COL4A2: variants seen among roughly 807,000 people sequenced by gnomAD.
The protein encoded by COL4A2 is collagen type IV alpha 2 chain.
In COL4A2, 99 loss-of-function variants were observed where a neutral mutation model predicts 200.2. That is an observed-to-expected ratio of 0.49 (90% CI 0.42 to 0.58). The LOEUF is 0.58. Among genes scored for constraint, COL4A2 ranks in the 20% least tolerant of loss-of-function variants. COL4A2 has a pLI of 0.00. For synonymous variants in COL4A2, 897 were observed against 900.6 expected (o/e 1.00, Z 0.07); for missense variants, 1,950 against 2,314.1 (o/e 0.84, Z 3.23).
chr13:110,473,933 T>G lies in COL4A2; in HGVS notation c.2425+783T>G, dbSNP rs144289012. Among the ~76,000 whole-genome samples, 477 of 149,400 alleles carry G rather than the reference T, an allele frequency of 3.2e-3. 2 individuals carry two copies. The highest frequency in any genetic ancestry group is 0.011 in the African/African-American group (447 of 40,456). ...TGAGCCGAGGGGTTCAAAACCATCCTGGGCTACATAGGGAGACCCCATTTC... is the reference window on the plus strand; with the variant it reads ...TGAGCCGAGGGGTTCAAAACCATCCGGGGCTACATAGGGAGACCCCATTTC... On this transcript the variant is annotated intron_variant, in intron 29 of 47. Transcript: ENST00000360467.
rs1341471447 is a variant in COL4A2, at chr13:110,363,335, CTG to C, written c.180+5784_180+5785del. On this transcript the variant is annotated intron_variant, in intron 4 of 47. Coordinates refer to ENST00000360467, the MANE Select transcript of COL4A2 (RefSeq NM_001846.4). Reference sequence around the variant, plus strand: ...TAGGGCAACAAGTTGTGTTTAGCGACTGCATTTTTTCATGTAGCTAAGAGTTT... The same window carrying C: ...TAGGGCAACAAGTTGTGTTTAGCGACCATTTTTTCATGTAGCTAAGAGTTT... Among the ~76,000 whole-genome samples, 4 of 152,206 alleles carry C rather than the reference CTG, an allele frequency of 2.6e-5. No homozygotes were observed. In the East Asian group the frequency reaches 5.8e-4, roughly 22 times the overall value.
rs373017166 is a variant in COL4A2, at chr13:110,333,730, G to A, written c.100-23742G>A. On this transcript the variant is annotated intron_variant, in intron 3 of 47. Transcript: ENST00000360467. ...CCACTGCCTCTGCGAGTCTGAACTC[G>A]TTGCCATATTTCTGTGTGCTTTTAT... Among the ~76,000 whole-genome samples, 17 of 152,254 alleles carry A rather than the reference G, an allele frequency of 1.1e-4. No individual in the cohort carries two copies. In the East Asian group the frequency reaches 1.4e-3, roughly 12 times the overall value.
chr13:110,435,531 C>A (rs1204094191), intron 12 of COL4A2, among the ~76,000 whole-genome samples: 5 of 152,232 alleles, frequency 3.3e-5, no homozygotes, highest in Admixed American at 6.5e-5. Flanking sequence ...TATGGAGTAT[C>A]ACTTTCTGCA....
At chr13:110,438,802 A>ACCCCCCCCC (rs1197981980) in intron 15 of COL4A2, 134 bp downstream of exon 15, 1 of 570,388 alleles carries the variant, frequency 1.8e-6, no homozygotes, top group African/African-American at 3.3e-5. Context: ...ATTACTCCCC[A>ACCCCCCCCC]CCCCCCCCCA....
chr13:110,506,259 T>A (rs1266280413), intron 45 of COL4A2, among the ~76,000 whole-genome samples, 156 bp from the exon 46 acceptor site: 1 of 8,318 alleles, frequency 1.2e-4, no homozygotes, highest in African/African-American at 4.3e-4. Context: ...GGCCGTCCAC[T>A]CTCTCTCTCT....
chr13:110,449,666 G>A lies in COL4A2; in HGVS notation c.1079-13G>A, dbSNP rs1881459598. On this transcript the variant is annotated splice_polypyrimidine_tract_variant and intron_variant, in intron 18 of 47. Transcript: ENST00000360467. ...CGGTCTTGTTCTTACTGTGGGACTT[G>A]TTTCCCTTCCAGGTGCCAGAGGTGA... 1 of 1,537,344 alleles carries A rather than the reference G, an allele frequency of 6.5e-7. No individual in the cohort carries two copies. Among genetic ancestry groups the A allele is most frequent in the Non-Finnish European group, 8.8e-7 (1 of 1,140,504 alleles).
chr13:110,488,752 T>A (rs1028387777), intron 34 of COL4A2, among the ~76,000 whole-genome samples: 1 of 152,148 alleles, frequency 6.6e-6, no homozygotes, highest in African/African-American at 2.4e-5. Flanking sequence ...TCATGAGGCG[T>A]GAATACGCTC....
At chr13:110,425,038 C>T (rs1381903629) in intron 6 of COL4A2, 41 bp downstream of exon 6, 3 of 1,558,710 alleles carry the variant, frequency 1.9e-6, no homozygotes, top group Non-Finnish European at 2.6e-6. Flanking sequence ...ACATTGCGTG[C>T]ATCCTAGGCA....
chr13:110,394,819 T>G (rs1338086072), intron 4 of COL4A2, among the ~76,000 whole-genome samples: 1 of 152,218 alleles, frequency 6.6e-6, no homozygotes, highest in Non-Finnish European at 1.5e-5. Flanking sequence ...GCCCATCTGG[T>G]GCTCTTTGCT....
Position 110,445,875 on chromosome 13 carries a change from G to T in COL4A2, c.1004G>T (p.Gly335Val). 1 of 1,614,156 alleles carries T rather than the reference G, an allele frequency of 6.2e-7. No individual in the cohort carries two copies. The highest frequency in any genetic ancestry group is 8.5e-7 in the Non-Finnish European group (1 of 1,180,012). The change falls in exon 17 of 48, where the codon GGA becomes GTA. Residue 335 changes from glycine (G) to valine (V), a missense_variant. Coordinates refer to ENST00000360467, the MANE Select transcript of COL4A2 (RefSeq NM_001846.4). The part of the protein sequence containing the change: ...DGYQGPDGPR[G>V]PKGEAGDPGP... ...TATCAAGGGCCTGATGGACCCCGGGGACCCAAGGTGAGCCCGTTTCTCATG... is the reference window on the plus strand; with the variant it reads ...TATCAAGGGCCTGATGGACCCCGGGTACCCAAGGTGAGCCCGTTTCTCATG...
intron 3 of COL4A2, among the ~76,000 whole-genome samples, chr13:110,308,561 G>C (rs1884875572): frequency 6.6e-6 from 1 of 152,176 alleles, no homozygotes. Flanking sequence ...TTAAATGGGA[G>C]TCTCTGGGTA....
chr13:110,412,515 G>T (rs998833100), intron 4 of COL4A2, among the ~76,000 whole-genome samples: 1 of 152,194 alleles, frequency 6.6e-6, no homozygotes, highest in African/African-American at 2.4e-5. Context: ...ACAAAAACGT[G>T]TCTTTTTTGG....
intron 38 of COL4A2, 147 bp downstream of exon 38, chr13:110,492,324 C>T (rs1883311789): frequency 2.9e-6 from 2 of 683,488 alleles, no homozygotes; most frequent in African/African-American, 1.8e-5. Context: ...CGGTGGTCTG[C>T]ACCAACATAG....
rs1053569050 is a variant in COL4A2 at position 110,307,802 on chromosome 13, G to A, written c.-44-58G>A. On this transcript the variant is annotated intron_variant, in intron 1 of 47. Coordinates refer to ENST00000360467, the MANE Select transcript of COL4A2 (RefSeq NM_001846.4). This position sits in a 1 kb window ranked among gnomAD's most constrained non-coding sequence, Gnocchi z 5.0. ...CGCGTCTCGCGGACCGAGACCGGCG[G>A]TGAGGATGGGCTGCCTCCCTCATCC... is the stretch of plus-strand genomic sequence containing the variant. 7.6e-6 allele frequency: 11 copies of A among 1,439,628 alleles called. No homozygotes were observed. In the East Asian group the frequency reaches 2.4e-4, roughly 32 times the overall value. The allele number at this position is 1,439,628 out of a possible 1,614,324, so 89.2% of individuals were successfully genotyped here. A position where few individuals can be genotyped will look rare whatever the true frequency, so the allele number is the denominator to read the frequency against.
intron 34 of COL4A2, among the ~76,000 whole-genome samples, chr13:110,486,424 G>A (rs1414315977): frequency 6.6e-6 from 1 of 152,232 alleles, no homozygotes; most frequent in African/African-American, 2.4e-5. Context: ...TATAGACAGT[G>A]TGTATAACAT....
intron 20 of COL4A2, among the ~76,000 whole-genome samples, chr13:110,452,794 G>T (rs757754537): frequency 1.3e-5 from 2 of 151,700 alleles, no homozygotes; most frequent in Non-Finnish European, 2.9e-5. Context: ...ACAGGGTCTC[G>T]CTCTGTATCC....
At chr13:110,499,318 C>T (rs923696301) in intron 40 of COL4A2, among the ~76,000 whole-genome samples, 8 of 152,130 alleles carry the variant, frequency 5.3e-5, no homozygotes, top group Admixed American at 3.9e-4. Context: ...ACAATCATGG[C>T]GGAAGGGGAA....
chr13:110,390,100 A>G (rs929271572), intron 4 of COL4A2, among the ~76,000 whole-genome samples: 8 of 152,208 alleles, frequency 5.3e-5, no homozygotes, highest in Non-Finnish European at 8.8e-5. Context: ...AAAAGCATGT[A>G]TTGAGCCTGC....
chr13:110,337,460 C>T (rs1054829088), intron 3 of COL4A2, among the ~76,000 whole-genome samples: 7 of 152,168 alleles, frequency 4.6e-5, no homozygotes, highest in Non-Finnish European at 1.0e-4. Context: ...TTGCCAGGCT[C>T]GAGCCAGAGC....
Sources: allele counts gnomAD v4.1 joint callset (sites outside exome capture counted in the v4.1 genomes callset), GRCh38; gene constraint gnomAD v4.1.1; non-coding constraint Gnocchi (gnomAD v3.1); transcripts MANE v1.5; gene names NCBI Gene and HGNC (gene_info 2026-07-23, HGNC 2026-07-21).